EYS: variants seen among roughly 807,000 people sequenced by gnomAD.
EYS encodes the protein protein eyes shut homolog.
In EYS, 250 loss-of-function variants were observed where a neutral mutation model predicts 282.1. That is an observed-to-expected ratio of 0.89 (90% confidence interval 0.80 to 0.98). The LOEUF (loss-of-function observed/expected upper bound fraction) is 0.98. Among genes scored for constraint, EYS ranks in the 50% least tolerant of loss-of-function variants. The pLI is 0.00. For synonymous variants in EYS, 1,355 were observed against 1,282.9 expected (o/e 1.06, Z -1.20); for missense variants, 4,016 against 3,709.0 (o/e 1.08, Z -2.15).
intron 10 of EYS, among the ~76,000 whole-genome samples, chr6:65,337,726 C>A (rs1413046042): frequency 1.3e-5 from 2 of 150,702 alleles, no homozygotes; most frequent in African/African-American, 4.8e-5. Context: ...TTAAAATATT[C>A]TTTATGGAAA....
At chr6:64,983,704 A>G (rs1770757360) in intron 14 of EYS, among the ~76,000 whole-genome samples, 1 of 150,754 alleles carries the variant, frequency 6.6e-6, no homozygotes, top group African/African-American at 2.4e-5. Flanking sequence ...GGTGCTGAAC[A>G]TTTTCTTGAT....
Position 64,925,837 on chromosome 6 carries a change from G to A in EYS, c.2382-13094C>T, listed in dbSNP as rs561209533. Among the ~76,000 whole-genome samples the A allele has an allele frequency of 6.4e-4, 97 of 152,278 alleles. No homozygotes were observed. In the South Asian group the frequency reaches 0.019, roughly 30 times the overall value. On this transcript the variant is annotated intron_variant, in intron 15 of 42. Coordinates refer to ENST00000503581, the MANE Select transcript of EYS (RefSeq NM_001142800.2). The stretch of plus-strand genomic sequence containing the variant: ...GCAGCATAGCTGGGAACTGGGCCAA[G>A]CGAGCCTGCATGTGGGCCCCTAATG...
chr6:64,094,073 G>A (rs893601609), intron 31 of EYS, among the ~76,000 whole-genome samples: 9 of 152,274 alleles, frequency 5.9e-5, no homozygotes, highest in African/African-American at 1.7e-4. Flanking sequence ...ATTTGCGTAT[G>A]TGGAACCAGC....
intron 13 of EYS, among the ~76,000 whole-genome samples, chr6:65,021,192 C>G (rs1772243557): frequency 6.6e-6 from 1 of 152,182 alleles, no homozygotes; most frequent in African/African-American, 2.4e-5. Context: ...CTTTTATTTT[C>G]CAGTGCATCA....
intron 12 of EYS, among the ~76,000 whole-genome samples, chr6:65,247,663 C>T (rs1767214047): frequency 6.6e-6 from 1 of 151,986 alleles, no homozygotes. Flanking sequence ...TTACCAGACA[C>T]CTTGGCAAAT....
intron 5 of EYS, among the ~76,000 whole-genome samples, chr6:65,418,894 C>A (rs925885996): frequency 6.6e-6 from 1 of 151,924 alleles, no homozygotes; most frequent in African/African-American, 2.4e-5. Flanking sequence ...AATAAGCGAA[C>A]CTCCAATTGT....
intron 28 of EYS, among the ~76,000 whole-genome samples, chr6:64,425,912 T>A (rs374321199): frequency 3.9e-4 from 59 of 151,820 alleles, no homozygotes; most frequent in African/African-American, 1.4e-3. Flanking sequence ...AGAAGCGATG[T>A]TAGGAGTAGG....
chr6:65,179,280 G>T (rs961616910), intron 12 of EYS, among the ~76,000 whole-genome samples: 4 of 151,926 alleles, frequency 2.6e-5, no homozygotes, highest in African/African-American at 7.2e-5. Context: ...CCAGGAGCTG[G>T]TTTTTTGAAA....
chr6:64,356,689 G>A (rs1771833778), intron 29 of EYS, among the ~76,000 whole-genome samples: 1 of 151,552 alleles, frequency 6.6e-6, no homozygotes, highest in African/African-American at 2.4e-5. Flanking sequence ...TCAGGTTCTG[G>A]TATAAAGATG....
chr6:64,414,545 A>C (rs1774006081), intron 28 of EYS, among the ~76,000 whole-genome samples: 1 of 152,162 alleles, frequency 6.6e-6, no homozygotes, highest in African/African-American at 2.4e-5. Context: ...AGCAAAGTGA[A>C]GTTTCATTGC....
intron 22 of EYS, among the ~76,000 whole-genome samples, chr6:64,726,346 C>T (rs1453902788): frequency 6.6e-6 from 1 of 152,108 alleles, no homozygotes; most frequent in Non-Finnish European, 1.5e-5. Context: ...ATACTTGAAT[C>T]TCAATATTTC....
intron 23 of EYS, among the ~76,000 whole-genome samples, chr6:64,625,852 A>G (rs1440376140): frequency 6.6e-6 from 1 of 152,220 alleles, no homozygotes; most frequent in Non-Finnish European, 1.5e-5. Flanking sequence ...TATGAGGCTT[A>G]CATATGTTTA....
intron 8 of EYS, among the ~76,000 whole-genome samples, chr6:65,383,121 C>T (rs982910379): frequency 6.6e-6 from 1 of 151,804 alleles, no homozygotes; most frequent in African/African-American, 2.4e-5. Flanking sequence ...ATCAGCTTAC[C>T]CATTTCTACA....
chr6:65,433,899 G>A (rs890308007), intron 5 of EYS, among the ~76,000 whole-genome samples: 1 of 152,148 alleles, frequency 6.6e-6, no homozygotes, highest in African/African-American at 2.4e-5. Context: ...TTGAGAATGA[G>A]ATTTGAAATA....
At chr6:63,959,253 A>G (rs2149773492) in intron 35 of EYS, among the ~76,000 whole-genome samples, 1 of 152,322 alleles carries the variant, frequency 6.6e-6, no homozygotes, top group East Asian at 1.9e-4. Context: ...GCCAACAAAC[A>G]TGAAAAAAAG....
intron 12 of EYS, among the ~76,000 whole-genome samples, chr6:65,229,533 G>A (rs946709719): frequency 1.3e-5 from 2 of 150,766 alleles, no homozygotes; most frequent in Non-Finnish European, 2.9e-5. Flanking sequence ...AAAAAAAAGT[G>A]GCAGAATCCG....
At chr6:63,989,858 T>G (rs7744178) in intron 34 of EYS, among the ~76,000 whole-genome samples, 57,471 of 151,196 alleles carry the variant, frequency 0.38, 11,232 homozygotes, top group African/African-American at 0.47. Context: ...ATATGGCATA[T>G]TGCATAGGAC....
intron 1 of EYS, among the ~76,000 whole-genome samples, chr6:65,706,909 C>T (rs1316165442): frequency 6.6e-6 from 1 of 152,012 alleles, no homozygotes; most frequent in Admixed American, 6.6e-5. Context: ...TTTGTATATC[C>T]AAGGAATATA....
At chr6:65,045,276 T>C (rs780011076) in intron 13 of EYS, among the ~76,000 whole-genome samples, 1 of 151,942 alleles carries the variant, frequency 6.6e-6, no homozygotes, top group Non-Finnish European at 1.5e-5. Context: ...CAATGTTTTC[T>C]AAATCATTTA....
Sources: gnomAD v4.1 joint callset for allele counts (sites outside exome capture counted in the v4.1 genomes callset) on GRCh38, gnomAD v4.1.1 for gene constraint, MANE v1.5 for transcripts, NCBI Gene and HGNC (gene_info 2026-07-23, HGNC 2026-07-21) for gene names.